CSMD1: variants seen among roughly 807,000 people sequenced by gnomAD.
CSMD1 encodes the protein CUB and sushi domain-containing protein 1.
Under a neutral mutation model 417.5 loss-of-function variants are expected in CSMD1, and 213 were observed. The observed-to-expected ratio is 0.51, with a 90% CI of 0.46 to 0.57. The LOEUF is 0.57. CSMD1 is among the 20% of genes least tolerant of loss of function. CSMD1 has a pLI of 0.00. For synonymous variants in CSMD1, 2,862 were observed against 1,736.8 expected (o/e 1.65, Z -16.11); for missense variants, 6,923 against 4,529.7 (o/e 1.53, Z -15.17).
chr8:4,127,836 A>G (rs1467050384), intron 3 of CSMD1, among the ~76,000 whole-genome samples: 4 of 152,134 alleles, frequency 2.6e-5, no homozygotes, highest in Non-Finnish European at 5.9e-5. Context: ...TCTTATTATT[A>G]TTGTTACTGT....
chr8:4,549,084 C>T (rs1797752417), intron 2 of CSMD1, among the ~76,000 whole-genome samples: 1 of 152,248 alleles, frequency 6.6e-6, no homozygotes, highest in South Asian at 2.1e-4. Context: ...CTTCATTAAA[C>T]TTCCATAAGT....
intron 25 of CSMD1, among the ~76,000 whole-genome samples, chr8:3,301,688 A>AAG (rs1241891130): frequency 6.6e-6 from 1 of 152,132 alleles, no homozygotes; most frequent in Non-Finnish European, 1.5e-5. Flanking sequence ...TGAGCAGCCA[A>AAG]AGATACACCT....
intron 26 of CSMD1, among the ~76,000 whole-genome samples, chr8:3,247,466 C>G (rs1799957163): frequency 6.6e-6 from 1 of 152,176 alleles, no homozygotes; most frequent in Non-Finnish European, 1.5e-5. Flanking sequence ...ACAAGCCAAG[C>G]TGTCTACCCT....
intron 1 of CSMD1, among the ~76,000 whole-genome samples, chr8:4,941,215 CAACAA>C (rs1807975821): frequency 6.6e-6 from 1 of 152,108 alleles, no homozygotes; most frequent in South Asian, 2.1e-4. Flanking sequence ...TGTTTCAAAA[CAACAA>C]AACATTGTAA....
At chr8:3,164,143 T>C (rs560817039) in intron 37 of CSMD1, among the ~76,000 whole-genome samples, 1 of 152,288 alleles carries the variant, frequency 6.6e-6, no homozygotes, top group South Asian at 2.1e-4. Context: ...CATCTTACAG[T>C]ACCGTGATTG....
chr8:3,097,737 G>A (rs1372946772), intron 46 of CSMD1, among the ~76,000 whole-genome samples: 2 of 152,036 alleles, frequency 1.3e-5, no homozygotes, highest in African/African-American at 4.8e-5. Context: ...AACTGAAATT[G>A]CAGAATGGAA....
chr8:4,214,129 G>A (rs753611073), intron 3 of CSMD1, among the ~76,000 whole-genome samples: 1 of 152,036 alleles, frequency 6.6e-6, no homozygotes, highest in Non-Finnish European at 1.5e-5. Context: ...TGTTTGTTTT[G>A]TTTTGGCTTA....
chr8:3,265,603 G>A (rs1801376054), intron 26 of CSMD1, among the ~76,000 whole-genome samples: 2 of 152,194 alleles, frequency 1.3e-5, no homozygotes, highest in Admixed American at 1.3e-4. Flanking sequence ...AATCTGTCAG[G>A]AACCAAGAGT....
At chr8:2,990,572 C>A (rs1434103948) in intron 54 of CSMD1, among the ~76,000 whole-genome samples, 4 of 152,142 alleles carry the variant, frequency 2.6e-5, no homozygotes, top group Non-Finnish European at 4.4e-5. Flanking sequence ...GCTGACCAGA[C>A]CACCCACATT....
At chr8:4,067,572 A>T (rs1441322217) in intron 3 of CSMD1, among the ~76,000 whole-genome samples, 2 of 152,142 alleles carry the variant, frequency 1.3e-5, no homozygotes, top group Non-Finnish European at 1.5e-5. Flanking sequence ...ATAAGTTTCA[A>T]CAACAGCATT....
At chr8:3,595,459 C>G (rs538496873) in intron 8 of CSMD1, among the ~76,000 whole-genome samples, 1 of 152,224 alleles carries the variant, frequency 6.6e-6, no homozygotes, top group East Asian at 1.9e-4. Flanking sequence ...AGTTTAACAC[C>G]ACTAAAAATG....
chr8:4,407,340 T>C (rs915310087), intron 3 of CSMD1, among the ~76,000 whole-genome samples: 2 of 152,234 alleles, frequency 1.3e-5, no homozygotes, highest in African/African-American at 2.4e-5. Flanking sequence ...ACATATACAA[T>C]AACTTTTTTA....
At chr8:4,029,827 A>C (rs1172074473) in intron 4 of CSMD1, among the ~76,000 whole-genome samples, 1 of 152,190 alleles carries the variant, frequency 6.6e-6, no homozygotes, top group Non-Finnish European at 1.5e-5. Flanking sequence ...AATACAAGCT[A>C]GTTACTTCCT....
intron 1 of CSMD1, among the ~76,000 whole-genome samples, chr8:4,890,605 A>G (rs1428146216): frequency 6.9e-6 from 1 of 144,660 alleles, no homozygotes; most frequent in Non-Finnish European, 1.5e-5. Context: ...TGACTCTGAC[A>G]CCCTCCCCTG....
intron 3 of CSMD1, among the ~76,000 whole-genome samples, chr8:4,065,866 T>G (rs1032099313): frequency 2.0e-5 from 3 of 152,204 alleles, no homozygotes; most frequent in Admixed American, 1.3e-4. Flanking sequence ...AAAGTTTTCC[T>G]TCACTGTCTT....
intron 3 of CSMD1, among the ~76,000 whole-genome samples, chr8:4,194,438 T>G (rs912222762): frequency 7.9e-5 from 12 of 152,160 alleles, no homozygotes; most frequent in Non-Finnish European, 1.5e-4. Flanking sequence ...TAACAATAAA[T>G]GGTGACAAAG....
chr8:4,121,465 A>C (rs181318788), intron 3 of CSMD1, among the ~76,000 whole-genome samples: 32 of 152,282 alleles, frequency 2.1e-4, no homozygotes, highest in African/African-American at 7.7e-4. Flanking sequence ...TCTTTGCTAT[A>C]CTTGCTTCTA....
intron 5 of CSMD1, among the ~76,000 whole-genome samples, chr8:3,843,110 G>C (rs1226441332): frequency 2.6e-5 from 4 of 152,104 alleles, no homozygotes; most frequent in South Asian, 2.1e-4. Context: ...ATTCTTTAGA[G>C]AGTTTGAATA....
At chr8:3,894,845 T>C (rs1807247709) in intron 5 of CSMD1, among the ~76,000 whole-genome samples, 1 of 152,236 alleles carries the variant, frequency 6.6e-6, no homozygotes, top group African/African-American at 2.4e-5. Flanking sequence ...GCTCTGGCTC[T>C]ATTCTAAAGG....
Sources: allele counts gnomAD v4.1 joint callset (sites outside exome capture counted in the v4.1 genomes callset), GRCh38; gene constraint gnomAD v4.1.1; transcripts MANE v1.5; gene names NCBI Gene and HGNC (gene_info 2026-07-23, HGNC 2026-07-21).